The following INPP4B variants were observed in gnomAD, a reference collection of about 807,000 sequenced individuals.
INPP4B encodes inositol polyphosphate-4-phosphatase type II B.
INPP4B carries 55 observed loss-of-function variants against 122.5 expected under a neutral mutation model. The observed-to-expected ratio is 0.45, with a 90% CI of 0.36 to 0.56. INPP4B has a LOEUF of 0.56. INPP4B is among the 20% of genes least tolerant of loss of function. The pLI, the probability that INPP4B is intolerant of heterozygous loss-of-function variation, is 0.00. For synonymous variants in INPP4B, 403 were observed against 388.7 expected (o/e 1.04, Z -0.43); for missense variants, 1,000 against 1,097.7 (o/e 0.91, Z 1.26).
At chr4:142,349,429 C>G (rs1374855865) in intron 7 of INPP4B, among the ~76,000 whole-genome samples, 1 of 151,966 alleles carries the variant, frequency 6.6e-6, no homozygotes, top group Non-Finnish European at 1.5e-5. Context: ...ATTATAGTAG[C>G]TTAGCACTAA....
chr4:142,466,568 C>T (rs1817824250), intron 2 of INPP4B, among the ~76,000 whole-genome samples: 1 of 152,140 alleles, frequency 6.6e-6, no homozygotes, highest in Non-Finnish European at 1.5e-5. Flanking sequence ...TGCAGCCTGA[C>T]CATGTGGCAG....
At chr4:142,147,789 A>G (rs773471096) in intron 17 of INPP4B, among the ~76,000 whole-genome samples, 23 of 152,206 alleles carry the variant, frequency 1.5e-4, no homozygotes, top group Non-Finnish European at 2.6e-4. Flanking sequence ...AATTGAAAGC[A>G]CTTTACCTCT....
At chr4:142,045,951 A>G (rs968461813) in intron 25 of INPP4B, among the ~76,000 whole-genome samples, 3 of 152,058 alleles carry the variant, frequency 2.0e-5, no homozygotes, top group Non-Finnish European at 4.4e-5. Context: ...AAGGGCTTGA[A>G]AGCAGCGAGC....
intron 1 of INPP4B, among the ~76,000 whole-genome samples, chr4:142,806,847 G>GA (rs1491157652): frequency 6.7e-6 from 1 of 149,832 alleles, no homozygotes. Context: ...AAGAAAGAAA[G>GA]AAAGGAGAAG....
intron 18 of INPP4B, among the ~76,000 whole-genome samples, chr4:142,128,442 T>C (rs1243855407): frequency 6.6e-6 from 1 of 151,794 alleles, no homozygotes; most frequent in African/African-American, 2.4e-5. Context: ...CCCCACAATA[T>C]AGTCACTGCC....
chr4:142,615,860 T>C (rs1743578613), intron 2 of INPP4B, among the ~76,000 whole-genome samples: 2 of 152,010 alleles, frequency 1.3e-5, no homozygotes, highest in Admixed American at 6.6e-5. Flanking sequence ...GCTTCCTCTC[T>C]GCCCACTGAA....
chr4:142,072,610 AC>A (rs1279219995), intron 25 of INPP4B, among the ~76,000 whole-genome samples: 3 of 151,822 alleles, frequency 2.0e-5, no homozygotes, highest in African/African-American at 7.3e-5. Flanking sequence ...TTTAGTAAAA[AC>A]AATGTGATAG....
intron 23 of INPP4B, among the ~76,000 whole-genome samples, chr4:142,098,659 G>T (rs336306): frequency 6.6e-6 from 1 of 151,956 alleles, no homozygotes; most frequent in Admixed American, 6.6e-5. Context: ...GGCGACTCAA[G>T]GGTGGCTATT....
chr4:142,450,161 C>T (rs569866837), intron 3 of INPP4B, among the ~76,000 whole-genome samples: 30 of 152,298 alleles, frequency 2.0e-4, no homozygotes, highest in African/African-American at 7.0e-4. Context: ...AGCCTCAGCT[C>T]TGCTGCCCAA....
chr4:142,462,451 G>A (rs1402201042), intron 3 of INPP4B, among the ~76,000 whole-genome samples: 1 of 151,976 alleles, frequency 6.6e-6, no homozygotes, highest in Non-Finnish European at 1.5e-5. Flanking sequence ...GGCTAGGCCT[G>A]GCCTAACTAA....
chr4:142,252,906 A>T (rs889145536), intron 11 of INPP4B, among the ~76,000 whole-genome samples: 7 of 152,202 alleles, frequency 4.6e-5, no homozygotes, highest in African/African-American at 1.4e-4. Context: ...GAAAGTAGTC[A>T]TTAGGCAATT....
At chr4:142,824,314 A>ACCTATCTATCTCTATCTCTATCTCTATC (rs1554016383) in intron 1 of INPP4B, among the ~76,000 whole-genome samples, 1 of 150,624 alleles carries the variant, frequency 6.6e-6, no homozygotes, top group Admixed American at 6.6e-5. Context: ...CTGTCTATCT[A>ACCTATCTATCTCTATCTCTATCTCTATC]TCTATCTCTA....
chr4:142,659,181 C>T (rs1754700108), intron 2 of INPP4B, among the ~76,000 whole-genome samples: 3 of 151,658 alleles, frequency 2.0e-5, no homozygotes, highest in South Asian at 2.1e-4. Context: ...GGGCAGATCA[C>T]CAGGTCAGGA....
intron 9 of INPP4B, among the ~76,000 whole-genome samples, chr4:142,302,099 G>A (rs1021936631): frequency 7.9e-5 from 12 of 152,104 alleles, no homozygotes; most frequent in African/African-American, 2.9e-4. Flanking sequence ...AAACCAGATC[G>A]AGATCAGGAT....
chr4:142,260,878 C>A (rs952254954), intron 10 of INPP4B, among the ~76,000 whole-genome samples: 1 of 152,134 alleles, frequency 6.6e-6, no homozygotes, highest in African/African-American at 2.4e-5. Context: ...ATTTGACAAG[C>A]TGAATCATTT....
At chr4:142,473,926 G>T (rs1467031299) in intron 2 of INPP4B, among the ~76,000 whole-genome samples, 1 of 151,382 alleles carries the variant, frequency 6.6e-6, no homozygotes, top group Non-Finnish European at 1.5e-5. Context: ...CCTTGCCTTG[G>T]ATAGCCAGGT....
At chr4:142,315,635 A>T (rs920118215) in intron 7 of INPP4B, among the ~76,000 whole-genome samples, 3 of 148,422 alleles carry the variant, frequency 2.0e-5, no homozygotes, top group African/African-American at 7.9e-5. Context: ...CATTTCAAAT[A>T]AAAAAAGTCA....
intron 2 of INPP4B, among the ~76,000 whole-genome samples, chr4:142,582,475 T>C (rs1016557343): frequency 2.0e-5 from 3 of 152,084 alleles, no homozygotes; most frequent in African/African-American, 7.2e-5. Flanking sequence ...TTCTCATGTG[T>C]GTGGGAGAAG....
chr4:142,536,427 T>C (rs895546591), intron 2 of INPP4B, among the ~76,000 whole-genome samples: 2 of 152,188 alleles, frequency 1.3e-5, no homozygotes, highest in Non-Finnish European at 2.9e-5. Flanking sequence ...TGACCATTAA[T>C]TCAGCTGATA....
Sources: gnomAD v4.1 joint callset for allele counts (sites outside exome capture counted in the v4.1 genomes callset) on GRCh38, gnomAD v4.1.1 for gene constraint, MANE v1.5 for transcripts, NCBI Gene and HGNC (gene_info 2026-07-23, HGNC 2026-07-21) for gene names.